Variants in C17orf78 observed in about 807,000 individuals in gnomAD.
The protein encoded by C17orf78 is uncharacterized protein C17orf78.
In C17orf78, 27 loss-of-function variants were observed where a neutral mutation model predicts 31.8. The observed-to-expected ratio is 0.85, with a 90% CI of 0.63 to 1.17. The LOEUF (loss-of-function observed/expected upper bound fraction) is 1.17, where lower values mean the gene tolerates loss of function less well. C17orf78 is among the 50% of genes most tolerant of loss of function. The pLI, the probability that C17orf78 is intolerant of heterozygous loss-of-function variation, is 0.00. For missense variants in C17orf78, 258 were observed against 315.2 expected (o/e 0.82, Z 1.37); for synonymous variants, 106 against 115.1 (o/e 0.92, Z 0.51).
intron 6 of C17orf78, among the ~76,000 whole-genome samples, chr17:37,390,197 A>C (rs1237479965): frequency 7.4e-5 from 6 of 81,088 alleles, no homozygotes; most frequent in South Asian, 3.1e-4. Context: ...TTATATATAA[A>C]TATATATAAT....
In C17orf78 at chr17:37,386,106, A is replaced by T. The variant is rs1270701277; in HGVS notation, c.489A>T (p.Gly163=). 1 of 1,580,246 alleles carries T rather than the reference A, an allele frequency of 6.3e-7. No individual in the cohort carries two copies. Among genetic ancestry groups the T allele is most frequent in the Non-Finnish European group, 8.7e-7 (1 of 1,153,906 alleles). ...CTATAACTCCTGGGAATAAAGAAGG[A>T]GAGAAAACTACAAGTACCGGTAATT... ...APSITPGNKE[G]EKTTSTDTDE... is the part of the protein sequence containing the mutation. The change falls in exon 4 of 7, where the codon GGA becomes GGT. Residue 163 remains glycine, a synonymous_variant. Transcript: ENST00000615133.
At chr17:37,390,169 T>TACAC (rs2050743995) in intron 6 of C17orf78, among the ~76,000 whole-genome samples, 1 of 56,062 alleles carries the variant, frequency 1.8e-5, no homozygotes, top group African/African-American at 1.1e-4. Flanking sequence ...TATATATATA[T>TACAC]ATATATACAC....
chr17:37,391,542 T>G (rs1277811260), intron 6 of C17orf78, 105 bp from the exon 7 acceptor site: 2 of 985,926 alleles, frequency 2.0e-6, no homozygotes, highest in Non-Finnish European at 3.2e-6. Context: ...TGAAGTGCAC[T>G]TGGAATTACA....
intron 6 of C17orf78, among the ~76,000 whole-genome samples, chr17:37,390,302 AAT>A (rs1491122200): frequency 2.0e-4 from 8 of 39,446 alleles, no homozygotes; most frequent in East Asian, 1.6e-3. Flanking sequence ...TATTATACAT[AAT>A]TATATATATA....
chr17:37,390,576 G>C (rs367689145), intron 6 of C17orf78, among the ~76,000 whole-genome samples: 1 of 149,314 alleles, frequency 6.7e-6, no homozygotes, highest in Non-Finnish European at 1.5e-5. Context: ...GTGGTGAGCC[G>C]AGATTGCGCC....
chr17:37,380,229 A>C (rs1297786336), intron 3 of C17orf78, among the ~76,000 whole-genome samples: 7 of 138,760 alleles, frequency 5.0e-5, no homozygotes, highest in African/African-American at 1.9e-4. Flanking sequence ...GAACAATGAG[A>C]TCACATGGAC....
At chr17:37,386,150 C>A (rs1430463893) in intron 4 of C17orf78, 25 bp downstream of exon 4, 12 of 1,426,110 alleles carry the variant, frequency 8.4e-6, no homozygotes, top group Non-Finnish European at 1.2e-5. Context: ...TTTGAAATGA[C>A]AAAGTACAGA....
chr17:37,377,776 A>G (rs2050071295), intron 1 of C17orf78, 103 bp from the exon 2 acceptor site: 1 of 844,166 alleles, frequency 1.2e-6, no homozygotes, highest in East Asian at 2.7e-5. Context: ...GCAATCTTTC[A>G]TATCTTCTCC....
intron 3 of C17orf78, among the ~76,000 whole-genome samples, chr17:37,382,665 T>C (rs1174708989): frequency 2.6e-5 from 4 of 152,046 alleles, no homozygotes; most frequent in Non-Finnish European, 5.9e-5. Context: ...ATCAGGACCA[T>C]CCTGGCCAAC....
intron 6 of C17orf78, among the ~76,000 whole-genome samples, chr17:37,390,247 T>TATAATTATATATA (rs1330594617): frequency 1.6e-3 from 59 of 36,228 alleles, no homozygotes; most frequent in South Asian, 4.8e-3. Flanking sequence ...ATATATTATA[T>TATAATTATATATA]ATATATTATA....
rs374670469 is a variant in C17orf78, at chr17:37,376,078, T to C, written c.-15T>C. The C allele has an allele frequency of 1.9e-5, 31 of 1,607,838 alleles. No individual in the cohort carries two copies. The highest frequency in any genetic ancestry group is 5.0e-5 in the Admixed American group (3 of 59,990). On this transcript the variant is annotated 5_prime_UTR_variant, in exon 1 of 7. An upstream start codon of the reference 5' UTR is lost. Coordinates refer to ENST00000615133, the MANE Select transcript of C17orf78 (RefSeq NM_173625.5). ...AGCAGTGGTCTGTCTGCAATGAGCA[T>C]GTGCTCAAGCTAACATGGATACCAT...
chr17:37,383,891 C>G (rs1360103584), intron 3 of C17orf78, among the ~76,000 whole-genome samples: 4 of 152,250 alleles, frequency 2.6e-5, no homozygotes, highest in African/African-American at 7.2e-5. Flanking sequence ...AAACATAATC[C>G]CTTCTACAAG....
At chr17:37,378,657 G>A (rs1035833372) in intron 2 of C17orf78, among the ~76,000 whole-genome samples, 1 of 152,222 alleles carries the variant, frequency 6.6e-6, no homozygotes, top group Non-Finnish European at 1.5e-5. Flanking sequence ...AGGTTGCAGT[G>A]AGCTGAGATT....
chr17:37,388,548 C>T, intron 4 of C17orf78, 122 bp from the exon 5 acceptor site: 1 of 1,172,374 alleles, frequency 8.5e-7, no homozygotes, highest in Non-Finnish European at 1.2e-6. Context: ...TCTGCCTCTG[C>T]CTCTGGGTTA....
chr17:37,377,699 AAAT>A (rs2050066010), intron 1 of C17orf78, among the ~76,000 whole-genome samples, 177 bp from the exon 2 acceptor site: 4 of 144,514 alleles, frequency 2.8e-5, no homozygotes, highest in African/African-American at 5.2e-5. Context: ...ATAAATAAAT[AAAT>A]AAAAGTAAAG....
chr17:37,389,560 G>A (rs1261497107), intron 6 of C17orf78, among the ~76,000 whole-genome samples, 198 bp downstream of exon 6: 2 of 152,002 alleles, frequency 1.3e-5, no homozygotes, highest in African/African-American at 4.8e-5. Flanking sequence ...GGTGGCACAT[G>A]CCTGTACTCC....
rs2050510645 is a variant in C17orf78 at position 37,386,011 on chromosome 17, T to C, written c.394T>C (p.Phe132Leu). 1.9e-6 allele frequency: 3 copies of C among 1,577,574 alleles called. No individual in the cohort carries two copies. In the Admixed American group the frequency reaches 5.3e-5, roughly 28 times the overall value. Residue 132 changes from phenylalanine (F) to leucine (L), a missense_variant and splice_region_variant, in exon 4 of 7, where the codon TTT becomes CTT. Physicochemically the swap from Phe to Leu is conservative, Grantham distance 22 (BLOSUM62 0). Transcript: ENST00000615133. ...QTGSLLKGKA[F>L]LPGISQCKVL... ...ATCTTTTCTACTTTGTTTTATAGCT[T>C]TTTTACCAGGGATCTCACAATGTAA...
Position 37,389,253 on chromosome 17 carries a change from G to A in C17orf78, c.641G>A (p.Cys214Tyr). The A allele has an allele frequency of 6.3e-7, 1 of 1,585,702 alleles. No homozygotes were observed. Among genetic ancestry groups the A allele is most frequent in the Non-Finnish European group, 8.6e-7 (1 of 1,166,002 alleles). The change falls in exon 6 of 7, where the codon TGC becomes TAC. Residue 214 changes from cysteine (C) to tyrosine (Y), a missense_variant. By Grantham distance (194) the Cys-to-Tyr change is radical. Transcript: ENST00000615133. ...VIFEVPCPYQCLGARKLCQCQ... is the reference protein window; with the variant it reads ...VIFEVPCPYQYLGARKLCQCQ... ...GTCATTTTCTCCCTTCAGTATCAAT[G>A]CCTAGGAGCCAGGAAGCTGTGCCAA...
At chr17:37,390,306 A>ATATATATATATAT (rs2050792521) in intron 6 of C17orf78, among the ~76,000 whole-genome samples, 2 of 29,276 alleles carry the variant, frequency 6.8e-5, no homozygotes, top group African/African-American at 2.6e-4. Flanking sequence ...ATACATAATT[A>ATATATATATATAT]TATATATATA....
Sources: gnomAD v4.1 joint callset for allele counts (sites outside exome capture counted in the v4.1 genomes callset) on GRCh38, gnomAD v4.1.1 for gene constraint, MANE v1.5 for transcripts, NCBI Gene and HGNC (gene_info 2026-07-23, HGNC 2026-07-21) for gene names.